Variants in CTDSPL observed in about 807,000 individuals in gnomAD.
The protein encoded by CTDSPL is CTD small phosphatase like, also known as CTD small phosphatase-like protein.
CTDSPL carries 8 observed loss-of-function variants against 30.5 expected under a neutral mutation model. That is an observed-to-expected ratio of 0.26 (90% CI 0.15 to 0.47). The LOEUF (loss-of-function observed/expected upper bound fraction) is 0.47, where lower values mean the gene tolerates loss of function less well. CTDSPL is among the 20% of genes least tolerant of loss of function. The pLI is 0.99. For missense variants in CTDSPL, 248 were observed against 366.1 expected (o/e 0.68, Z 2.63); for synonymous variants, 110 against 137.9 (o/e 0.80, Z 1.42).
Position 37,950,555 on chromosome 3 carries a change from T to C in CTDSPL, c.234+3344T>C, listed in dbSNP as rs575205262. 2.6e-5 allele frequency among the ~76,000 whole-genome samples: 4 copies of C among 152,336 alleles called. No individual in the cohort carries two copies. In the South Asian group the frequency reaches 8.3e-4, roughly 32 times the overall value. ...GGAAAAGCAAGTGGAAGAAGAAATATCTTACAATTCAGACCAGAAACACAG... is the reference window on the plus strand; with the variant it reads ...GGAAAAGCAAGTGGAAGAAGAAATACCTTACAATTCAGACCAGAAACACAG... On this transcript the variant is annotated intron_variant, in intron 2 of 7. Transcript: ENST00000273179.
At chr3:37,958,292 G>A (rs1217875916) in intron 3 of CTDSPL, among the ~76,000 whole-genome samples, 1 of 152,198 alleles carries the variant, frequency 6.6e-6, no homozygotes, top group East Asian at 1.9e-4. Context: ...CTTTGCCCAT[G>A]TGCCTGAGGG....
At chr3:37,882,653 G>A (rs1698220952) in intron 1 of CTDSPL, among the ~76,000 whole-genome samples, 1 of 152,166 alleles carries the variant, frequency 6.6e-6, no homozygotes, top group East Asian at 1.9e-4. Context: ...GACTCTAGCT[G>A]AGTATTAGGA....
chr3:37,962,553 G>A (rs1559645739), intron 3 of CTDSPL, among the ~76,000 whole-genome samples: 1 of 152,204 alleles, frequency 6.6e-6, no homozygotes, highest in Non-Finnish European at 1.5e-5. Context: ...TGCTTGTAAA[G>A]TGTGGGTTAA....
intron 1 of CTDSPL, among the ~76,000 whole-genome samples, chr3:37,882,582 A>T (rs905278089): frequency 7.9e-5 from 12 of 152,164 alleles, no homozygotes; most frequent in Non-Finnish European, 1.6e-4. Context: ...GAGCCACTGC[A>T]CTCTAGCCTG....
At chr3:37,914,238 A>G (rs1324837938) in intron 1 of CTDSPL, among the ~76,000 whole-genome samples, 2 of 152,220 alleles carry the variant, frequency 1.3e-5, no homozygotes, top group African/African-American at 2.4e-5. Flanking sequence ...AATGTTTATT[A>G]TATTTTCAAG....
intron 3 of CTDSPL, among the ~76,000 whole-genome samples, chr3:37,961,103 A>G (rs776506865): frequency 3.3e-5 from 5 of 152,232 alleles, no homozygotes; most frequent in South Asian, 2.1e-4. Flanking sequence ...TTTGGAATGT[A>G]TGTTGGTGTA....
chr3:37,909,615 GT>G (rs1698557719), intron 1 of CTDSPL, among the ~76,000 whole-genome samples: 1 of 152,262 alleles, frequency 6.6e-6, no homozygotes, highest in Non-Finnish European at 1.5e-5. Context: ...TCCCAGTGTG[GT>G]GATGTTCCTT....
intron 1 of CTDSPL, among the ~76,000 whole-genome samples, chr3:37,896,749 G>A (rs141311068): frequency 6.6e-6 from 1 of 152,180 alleles, no homozygotes; most frequent in African/African-American, 2.4e-5. Flanking sequence ...TTGTTTCCCA[G>A]GCTGGTCTTG....
At chr3:37,885,804 A>G (rs1183264261) in intron 1 of CTDSPL, among the ~76,000 whole-genome samples, 1 of 152,204 alleles carries the variant, frequency 6.6e-6, no homozygotes, top group Non-Finnish European at 1.5e-5. Flanking sequence ...GCTGATCTGC[A>G]AAGGGGTGGA....
chr3:37,924,024 A>G (rs1348682708), intron 1 of CTDSPL, among the ~76,000 whole-genome samples: 1 of 152,244 alleles, frequency 6.6e-6, no homozygotes, highest in Non-Finnish European at 1.5e-5. Flanking sequence ...TACTCTTCTC[A>G]TTAAAACAAA....
intron 1 of CTDSPL, among the ~76,000 whole-genome samples, chr3:37,876,821 A>G (rs142938854): frequency 2.1e-3 from 320 of 152,006 alleles, no homozygotes; most frequent in African/African-American, 7.4e-3. Context: ...AAATACATAT[A>G]ACATTAAATT....
At chr3:37,974,372 T>C (rs887927982) in intron 6 of CTDSPL, among the ~76,000 whole-genome samples, 4 of 152,200 alleles carry the variant, frequency 2.6e-5, no homozygotes, top group African/African-American at 9.7e-5. Flanking sequence ...CCCACAGCTG[T>C]GCTGGCACTT....
chr3:37,925,380 G>T (rs887475553), intron 1 of CTDSPL, among the ~76,000 whole-genome samples: 3 of 152,192 alleles, frequency 2.0e-5, no homozygotes, highest in Admixed American at 2.0e-4. Context: ...TCCTGGGCTT[G>T]TCTTTCTCCT....
intron 5 of CTDSPL, among the ~76,000 whole-genome samples, chr3:37,970,310 A>G (rs1325777511): frequency 6.6e-6 from 1 of 152,048 alleles, no homozygotes; most frequent in African/African-American, 2.4e-5. Context: ...TCCCTCTACT[A>G]CAACTTTCAT....
chr3:37,864,794 A>G (rs1553679338), intron 1 of CTDSPL, among the ~76,000 whole-genome samples: 1 of 152,020 alleles, frequency 6.6e-6, no homozygotes, highest in Non-Finnish European at 1.5e-5. Flanking sequence ...TGAGATAATT[A>G]TTTTGTTTTA....
intron 1 of CTDSPL, among the ~76,000 whole-genome samples, chr3:37,879,891 C>T (rs542566562): frequency 5.3e-5 from 8 of 151,596 alleles, no homozygotes; most frequent in African/African-American, 1.7e-4. Flanking sequence ...AGTATATGAG[C>T]GTTTAATAAA....
chr3:37,957,815 G>A lies in CTDSPL; in HGVS notation c.267+672G>A, dbSNP rs533320549. Among the ~76,000 whole-genome samples the A allele has an allele frequency of 1.4e-4, 22 of 152,294 alleles. No homozygotes were observed. In the South Asian group the frequency reaches 4.6e-3, roughly 32 times the overall value. On this transcript the variant is annotated intron_variant, in intron 3 of 7. Coordinates refer to ENST00000273179, the MANE Select transcript of CTDSPL (RefSeq NM_001008392.2). ...CCCTCAGCCATCCGCTGTCCTGGCT[G>A]TCCCTTCTCTTCCTCCTGCTCTGCC...
At chr3:37,888,222 T>A (rs557677777) in intron 1 of CTDSPL, among the ~76,000 whole-genome samples, 99 of 152,312 alleles carry the variant, frequency 6.5e-4, no homozygotes, top group Admixed American at 2.0e-3. Flanking sequence ...GGAATGAAAG[T>A]TTGCCTTATA....
intron 2 of CTDSPL, among the ~76,000 whole-genome samples, chr3:37,955,327 C>T (rs1699158559): frequency 6.6e-6 from 1 of 152,186 alleles, no homozygotes; most frequent in Non-Finnish European, 1.5e-5. Context: ...ACTCAGGAGG[C>T]TGAGGCAGGA....
Sources: gnomAD v4.1 joint callset for allele counts (sites outside exome capture counted in the v4.1 genomes callset) on GRCh38, gnomAD v4.1.1 for gene constraint, MANE v1.5 for transcripts, NCBI Gene and HGNC (gene_info 2026-07-23, HGNC 2026-07-21) for gene names.